ADGRL3: variants seen among roughly 807,000 people sequenced by gnomAD.
ADGRL3 encodes calcium-independent alpha-latrotoxin receptor 3.
Under a neutral mutation model 153.5 loss-of-function variants are expected in ADGRL3, and 62 were observed. The observed-to-expected ratio is 0.40, with a 90% confidence interval of 0.33 to 0.50. The LOEUF (loss-of-function observed/expected upper bound fraction) is 0.50, where lower values mean the gene tolerates loss of function less well. ADGRL3 is among the 20% of genes least tolerant of loss of function. ADGRL3 has a pLI of 0.47. For synonymous variants in ADGRL3, 710 were observed against 672.5 expected, an observed-to-expected ratio of 1.06 and a Z score of -0.86; for missense variants, 1,641 against 1,859.4, an observed-to-expected ratio of 0.88 and a Z score of 2.16.
At chr4:61,469,317 T>G (rs2097918151) in intron 2 of ADGRL3, among the ~76,000 whole-genome samples, 1 of 152,088 alleles carries the variant, frequency 6.6e-6, no homozygotes, top group Admixed American at 6.6e-5. Context: ...GTGTGTTCCC[T>G]AAAGAATTAT....
chr4:61,287,586 G>A lies in ADGRL3; in HGVS notation c.-240+85821G>A, dbSNP rs555750922. Among the ~76,000 whole-genome samples the A allele has an allele frequency of 5.9e-5, 9 of 151,892 alleles. No individual in the cohort carries two copies. In the East Asian group the frequency reaches 1.4e-3, roughly 23 times the overall value. ...TAAATTAATTCTGTATGTAGCTTTC[G>A]GTCTGACAATCAAGGGCATAGAAAT... On this transcript the variant is annotated intron_variant, in intron 1 of 26. Coordinates refer to ENST00000683033, the MANE Select transcript of ADGRL3 (RefSeq NM_001387552.1).
chr4:62,049,708 G>A (rs1733098929), intron 25 of ADGRL3, among the ~76,000 whole-genome samples: 1 of 152,070 alleles, frequency 6.6e-6, no homozygotes, highest in South Asian at 2.1e-4. Context: ...TGATACAGAG[G>A]GGAAAGATGC....
At chr4:61,597,665 T>C (rs1163110058) in intron 5 of ADGRL3, among the ~76,000 whole-genome samples, 1 of 151,550 alleles carries the variant, frequency 6.6e-6, no homozygotes, top group East Asian at 1.9e-4. Flanking sequence ...TTTTTGTTTT[T>C]TTTTTTTACT....
intron 1 of ADGRL3, among the ~76,000 whole-genome samples, chr4:61,260,478 G>A (rs114469732): frequency 2.6e-5 from 4 of 151,974 alleles, no homozygotes; most frequent in Non-Finnish European, 2.9e-5. Context: ...TAGACAATGC[G>A]GTATTGTATG....
chr4:61,552,353 C>T (rs1290674397), intron 4 of ADGRL3, among the ~76,000 whole-genome samples: 1 of 152,094 alleles, frequency 6.6e-6, no homozygotes, highest in Non-Finnish European at 1.5e-5. Flanking sequence ...TAAGAAAATC[C>T]CCGGAAGATC....
chr4:61,733,385 T>G lies in ADGRL3; in HGVS notation c.1230T>G (p.Ile410Met). The G allele has an allele frequency of 1.2e-6, 2 of 1,613,752 alleles. No homozygotes were observed. Among genetic ancestry groups the G allele is most frequent in the Non-Finnish European group, 1.7e-6 (2 of 1,179,812 alleles). Residue 410 changes from isoleucine (I) to methionine (M), a missense_variant, in exon 8 of 27, where the codon ATT (isoleucine) becomes ATG (methionine). This residue lies in a region of ADGRL3 where 734 missense variants were observed against 797.0 expected (regional missense o/e 0.92). Transcript: ENST00000683033. ...NEATGNKIDY[I>M]YNTDQSKDSL... ...CTACTGGAAATAAGATTGACTACAT[T>G]TACAACACTGACCAAAGCAAGGATA...
chr4:61,340,815 T>A (rs532927136), intron 1 of ADGRL3, among the ~76,000 whole-genome samples: 45 of 151,062 alleles, frequency 3.0e-4, no homozygotes, highest in African/African-American at 9.0e-4. Flanking sequence ...TATATATTTA[T>A]GTGTGTGTGT....
chr4:61,776,018 G>A (rs1426878237), intron 8 of ADGRL3, among the ~76,000 whole-genome samples: 2 of 151,656 alleles, frequency 1.3e-5, no homozygotes, highest in Non-Finnish European at 2.9e-5. Flanking sequence ...CTCCTGTCTC[G>A]GCCTCCCGAG....
At chr4:61,695,465 A>G (rs2095624515) in intron 6 of ADGRL3, among the ~76,000 whole-genome samples, 1 of 152,136 alleles carries the variant, frequency 6.6e-6, no homozygotes, top group Admixed American at 6.6e-5. Flanking sequence ...TGGGATTAAC[A>G]TTTTCAGTAG....
chr4:62,007,238 G>GA (rs2099162371), intron 21 of ADGRL3, among the ~76,000 whole-genome samples: 1 of 150,070 alleles, frequency 6.7e-6, no homozygotes. Flanking sequence ...TCACATGTCT[G>GA]AATCAAATGA....
chr4:61,223,649 A>G (rs1282386536), intron 1 of ADGRL3, among the ~76,000 whole-genome samples: 1 of 152,124 alleles, frequency 6.6e-6, no homozygotes, highest in Non-Finnish European at 1.5e-5. Context: ...TGTTTTCTCT[A>G]ATGTTGAGGG....
At chr4:61,538,760 T>C (rs2098672729) in intron 4 of ADGRL3, among the ~76,000 whole-genome samples, 1 of 152,066 alleles carries the variant, frequency 6.6e-6, no homozygotes, top group Non-Finnish European at 1.5e-5. Context: ...GGATTTTATT[T>C]GGTGGTACAG....
At chr4:61,755,019 T>C (rs1329371703) in intron 8 of ADGRL3, among the ~76,000 whole-genome samples, 2 of 152,212 alleles carry the variant, frequency 1.3e-5, no homozygotes, top group South Asian at 2.1e-4. Context: ...CAGTCTATCA[T>C]TGTTGGACAT....
chr4:61,732,217 C>T lies in ADGRL3; in HGVS notation c.599-537C>T, dbSNP rs549833626. The stretch of plus-strand genomic sequence containing the variant: ...GCATGCTCTGTGTGTGTTGTAGCAA[C>T]GTTGAGAGCTTTTTTGCTAAAAGAT... On this transcript the variant is annotated intron_variant, in intron 7 of 26. Coordinates refer to ENST00000683033, the MANE Select transcript of ADGRL3 (RefSeq NM_001387552.1). Among the ~76,000 whole-genome samples the T allele has an allele frequency of 3.9e-5, 6 of 152,032 alleles. No individual in the cohort carries two copies. The South Asian group carries it at 6.2e-4, about 16-fold the overall frequency.
At chr4:61,737,459 A>G (rs1034965513) in intron 8 of ADGRL3, among the ~76,000 whole-genome samples, 1 of 152,210 alleles carries the variant, frequency 6.6e-6, no homozygotes, top group Non-Finnish European at 1.5e-5. Context: ...AGGCTTCTGA[A>G]CATGAGCTTG....
intron 9 of ADGRL3, among the ~76,000 whole-genome samples, chr4:61,842,481 G>C (rs2098047661): frequency 1.3e-5 from 2 of 152,234 alleles, no homozygotes; most frequent in African/African-American, 4.8e-5. Context: ...TTTAGATCTA[G>C]GTAGCTGGCT....
chr4:61,902,319 C>G (rs2098669020), intron 11 of ADGRL3, among the ~76,000 whole-genome samples: 1 of 152,092 alleles, frequency 6.6e-6, no homozygotes, highest in African/African-American at 2.4e-5. Context: ...GACACTAGTC[C>G]TGTCAGGTGT....
At chr4:61,299,078 T>C (rs1263749556) in intron 1 of ADGRL3, among the ~76,000 whole-genome samples, 1 of 152,196 alleles carries the variant, frequency 6.6e-6, no homozygotes, top group East Asian at 1.9e-4. Flanking sequence ...AATGCATCTG[T>C]GATTAAATTA....
intron 2 of ADGRL3, among the ~76,000 whole-genome samples, chr4:61,483,028 A>G (rs2152743606): frequency 6.6e-6 from 1 of 152,330 alleles, no homozygotes; most frequent in South Asian, 2.1e-4. Context: ...TTTGAATAGC[A>G]TAGACTCCCA....
Sources: gnomAD v4.1 joint callset for allele counts (sites outside exome capture counted in the v4.1 genomes callset) on GRCh38, gnomAD v4.1.1 for gene constraint, gnomAD v4.1.1 regional missense constraint, MANE v1.5 for transcripts, NCBI Gene and HGNC (gene_info 2026-07-23, HGNC 2026-07-21) for gene names.